TEX36: variants seen among roughly 807,000 people sequenced by gnomAD.
TEX36 encodes testis expressed 36, also known as testis-expressed protein 36.
Under a neutral mutation model 13.6 loss-of-function variants are expected in TEX36, and 12 were observed. The observed-to-expected ratio is 0.88, with a 90% CI of 0.56 to 1.43. TEX36 has a LOEUF of 1.43. TEX36 is among the 40% of genes most tolerant of loss of function. The probability of loss-of-function intolerance (pLI) is 0.00; values close to 1 mark genes in which losing one functional copy is unlikely to be tolerated. For synonymous variants in TEX36, 93 were observed against 83.0 expected (o/e 1.12, Z -0.65); for missense variants, 224 against 228.3 (o/e 0.98, Z 0.12).
At chr10:125,637,685 C>T (rs1846638071) in intron 3 of TEX36, among the ~76,000 whole-genome samples, 1 of 152,136 alleles carries the variant, frequency 6.6e-6, no homozygotes, top group Non-Finnish European at 1.5e-5. Context: ...GCTGGCCCCA[C>T]CCCCAGGTAC....
intron 3 of TEX36, among the ~76,000 whole-genome samples, chr10:125,604,275 C>T (rs918209416): frequency 3.9e-5 from 6 of 152,152 alleles, no homozygotes; most frequent in African/African-American, 1.2e-4. Flanking sequence ...CTTGCATTAC[C>T]GCCTGAGCTC....
At chr10:125,620,639 A>G (rs1846418957), downstream of TEX36, among the ~76,000 whole-genome samples, 1 of 152,266 alleles carries the variant, frequency 6.6e-6, no homozygotes, top group African/African-American at 2.4e-5. Flanking sequence ...TAAAATGCAC[A>G]TAAGATAAAA....
chr10:125,583,267 A>G (rs1845905332), intron 3 of TEX36, among the ~76,000 whole-genome samples: 1 of 152,190 alleles, frequency 6.6e-6, no homozygotes, highest in Admixed American at 6.5e-5. Context: ...AATCCCCGAG[A>G]CTGGGTAACT....
At chr10:125,650,727 AG>A (rs1413015031), downstream of TEX36, among the ~76,000 whole-genome samples, 1 of 152,160 alleles carries the variant, frequency 6.6e-6, no homozygotes, top group Non-Finnish European at 1.5e-5. Flanking sequence ...CTTTTTGAAA[AG>A]ATCAACAAAA....
At chr10:125,667,206 C>A (rs1230621452) in intron 1 of TEX36, 4 of 643,608 alleles carry the variant, frequency 6.2e-6, no homozygotes, top group Non-Finnish European at 1.2e-5. Flanking sequence ...CCATGGCAAT[C>A]TCCTCGTGAG....
At chr10:125,635,372 T>C (rs1846610652) in intron 3 of TEX36, among the ~76,000 whole-genome samples, 1 of 152,146 alleles carries the variant, frequency 6.6e-6, no homozygotes, top group African/African-American at 2.4e-5. Flanking sequence ...TTAGCCCCAA[T>C]ATAAGGATAT....
intron 3 of TEX36, among the ~76,000 whole-genome samples, chr10:125,598,174 C>T (rs1390918544): frequency 6.6e-6 from 1 of 152,132 alleles, no homozygotes; most frequent in Non-Finnish European, 1.5e-5. Context: ...CCTAAGTCTC[C>T]AGTGTATGGT....
At chr10:125,630,362 T>C (rs1846536999) in intron 3 of TEX36, among the ~76,000 whole-genome samples, 1 of 152,018 alleles carries the variant, frequency 6.6e-6, no homozygotes, top group South Asian at 2.1e-4. Context: ...TTTACTCCAG[T>C]GGTGGATGAG....
chr10:125,581,543 A>G (rs556304223), intron 3 of TEX36, among the ~76,000 whole-genome samples: 3 of 152,218 alleles, frequency 2.0e-5, no homozygotes, highest in African/African-American at 7.2e-5. Context: ...ACACCTTTTA[A>G]GTAAACTACC....
chr10:125,583,765 T>C (rs1483732289), intron 3 of TEX36, among the ~76,000 whole-genome samples: 1 of 152,252 alleles, frequency 6.6e-6, no homozygotes, highest in Non-Finnish European at 1.5e-5. Context: ...TTAGCCATTA[T>C]TATTGCCTCA....
intron 3 of TEX36, among the ~76,000 whole-genome samples, chr10:125,598,789 A>G (rs1266750217): frequency 1.3e-5 from 2 of 152,152 alleles, no homozygotes; most frequent in East Asian, 1.9e-4. Flanking sequence ...ACAGTAACTC[A>G]CTTTACCTGA....
intron 3 of TEX36, among the ~76,000 whole-genome samples, chr10:125,635,474 C>G (rs1446751315): frequency 6.6e-6 from 1 of 152,158 alleles, no homozygotes; most frequent in African/African-American, 2.4e-5. Flanking sequence ...ACCAGTAGAC[C>G]AAGACCAGCC....
At chr10:125,605,408 C>T (rs1037862152) in intron 3 of TEX36, among the ~76,000 whole-genome samples, 11 of 151,772 alleles carry the variant, frequency 7.2e-5, no homozygotes, top group African/African-American at 2.7e-4. Context: ...TCTCCACACG[C>T]AGCGTAGTGC....
intron 1 of TEX36, among the ~76,000 whole-genome samples, chr10:125,672,869 C>T (rs139456290): frequency 2.6e-5 from 4 of 152,262 alleles, no homozygotes; most frequent in South Asian, 4.1e-4. Context: ...GATCCCTTTA[C>T]CATTATTCAA....
chr10:125,664,773 C>T lies in TEX36; in HGVS notation c.52-2796G>A, dbSNP rs142124086. 8.6e-3 allele frequency among the ~76,000 whole-genome samples: 1,313 copies of T among 152,246 alleles called. 7 individuals carry two copies. The highest frequency in any genetic ancestry group is 0.034 in the Middle Eastern group (10 of 294). On this transcript the variant is annotated intron_variant, in intron 1 of 3. Transcript: ENST00000368821. ...TTATAAATTACCAGTCTCAGGTAGT[C>T]CTTTATAGCAGTGTGAAAACAGACT... is the stretch of plus-strand genomic sequence containing the variant.
intron 3 of TEX36, among the ~76,000 whole-genome samples, chr10:125,634,583 TTCTTTTCTGCCTTGGTAAAAGGTTA>T (rs1164889311): frequency 2.0e-5 from 3 of 152,198 alleles, no homozygotes; most frequent in Non-Finnish European, 4.4e-5. Flanking sequence ...AACTGAAGCA[TTCTTTTCTGCCTTGGTAAAAGGTTA>T]TCTTTTCTGC....
intron 3 of TEX36, among the ~76,000 whole-genome samples, chr10:125,647,848 G>A (rs896814580): frequency 1.3e-5 from 2 of 152,200 alleles, no homozygotes; most frequent in Admixed American, 6.5e-5. Context: ...AGCACACCAG[G>A]AGATTATATC....
intron 3 of TEX36, among the ~76,000 whole-genome samples, chr10:125,582,046 G>C (rs1471631452): frequency 1.3e-5 from 2 of 152,192 alleles, no homozygotes; most frequent in African/African-American, 4.8e-5. Flanking sequence ...CTCAGGGATG[G>C]GGTGGTTTTC....
chr10:125,644,661 C>A (rs1436445306), intron 3 of TEX36, among the ~76,000 whole-genome samples: 2 of 152,194 alleles, frequency 1.3e-5, no homozygotes, highest in African/African-American at 4.8e-5. Context: ...CTAAGATGAC[C>A]TTCAATGAAT....
Sources: allele counts gnomAD v4.1 joint callset (sites outside exome capture counted in the v4.1 genomes callset), GRCh38; gene constraint gnomAD v4.1.1; transcripts MANE v1.5; gene names NCBI Gene and HGNC (gene_info 2026-07-23, HGNC 2026-07-21).